The following DCC variants were observed in gnomAD, a reference collection of about 807,000 sequenced individuals.
DCC encodes DCC netrin 1 receptor.
In DCC, 58 loss-of-function variants were observed where a neutral mutation model predicts 172.5. The ratio of observed to expected loss-of-function variants is 0.34; its 90% CI spans 0.27 to 0.42. The LOEUF (loss-of-function observed/expected upper bound fraction) is 0.42, where lower values mean the gene tolerates loss of function less well. Ranked by LOEUF, DCC falls within the 10% of genes least tolerant of loss-of-function variation. The probability of loss-of-function intolerance (pLI) is 1.00; values close to 1 mark genes in which losing one functional copy is unlikely to be tolerated. For synonymous variants in DCC, 709 were observed against 644.5 expected, an observed-to-expected ratio of 1.10 and a Z score of -1.52; for missense variants, 1,740 against 1,791.0, an observed-to-expected ratio of 0.97 and a Z score of 0.51.
intron 2 of DCC, among the ~76,000 whole-genome samples, chr18:52,850,560 A>T (rs2038959089): frequency 6.6e-6 from 1 of 152,078 alleles, no homozygotes; most frequent in Admixed American, 6.5e-5. Context: ...TATGACTACA[A>T]TGTGTAATGA....
intron 9 of DCC, 129 bp from the exon 10 acceptor site, chr18:53,205,087 C>A: frequency 1.4e-6 from 1 of 714,876 alleles, no homozygotes. Context: ...ATTCTTATTC[C>A]ATATTATTCT....
intron 11 of DCC, 121 bp from the exon 12 acceptor site, chr18:53,215,427 A>G: frequency 1.2e-6 from 1 of 832,020 alleles, no homozygotes; most frequent in Non-Finnish European, 2.1e-6. Context: ...ACCTGGGTTA[A>G]CCTACCTAAT....
chr18:52,934,323 T>TG (rs2040351175), intron 5 of DCC, among the ~76,000 whole-genome samples: 1 of 152,082 alleles, frequency 6.6e-6, no homozygotes, highest in African/African-American at 2.4e-5. Context: ...CATCCCTCTG[T>TG]GGGAAAAAGA....
chr18:53,163,976 A>G (rs2054880347), intron 8 of DCC, among the ~76,000 whole-genome samples: 1 of 152,138 alleles, frequency 6.6e-6, no homozygotes, highest in African/African-American at 2.4e-5. Flanking sequence ...ATGAGACTTA[A>G]AGAAGAAGTT....
intron 2 of DCC, among the ~76,000 whole-genome samples, chr18:52,806,436 C>G (rs1182224120): frequency 6.6e-6 from 1 of 152,294 alleles, no homozygotes; most frequent in East Asian, 1.9e-4. Flanking sequence ...AGCCAGTGCT[C>G]ACCAAAATAG....
chr18:52,397,099 T>A (rs187055021), intron 1 of DCC, among the ~76,000 whole-genome samples: 1 of 152,194 alleles, frequency 6.6e-6, no homozygotes, highest in Admixed American at 6.6e-5. Flanking sequence ...CAAGGGATTA[T>A]GTATACTACA....
chr18:52,531,953 C>T (rs1392877875), intron 1 of DCC, among the ~76,000 whole-genome samples: 1 of 152,160 alleles, frequency 6.6e-6, no homozygotes, highest in African/African-American at 2.4e-5. Context: ...CTATCTTATG[C>T]AACTATTGCC....
intron 1 of DCC, among the ~76,000 whole-genome samples, chr18:52,384,174 T>G (rs919864253): frequency 1.3e-5 from 2 of 152,052 alleles, no homozygotes; most frequent in African/African-American, 4.8e-5. Flanking sequence ...AGCCCAACAC[T>G]GGGCACTCAA....
chr18:53,466,396 C>T (rs918297167), intron 24 of DCC, among the ~76,000 whole-genome samples: 16 of 152,162 alleles, frequency 1.1e-4, no homozygotes, highest in South Asian at 4.1e-4. Flanking sequence ...TTCACAAAGA[C>T]TTTGTGGCTG....
At chr18:52,458,055 T>G (rs1295877081) in intron 1 of DCC, among the ~76,000 whole-genome samples, 1 of 152,256 alleles carries the variant, frequency 6.6e-6, no homozygotes, top group East Asian at 1.9e-4. Context: ...GCCACATGGT[T>G]TCACTGACTG....
intron 1 of DCC, among the ~76,000 whole-genome samples, chr18:52,379,453 C>A (rs888738300): frequency 6.6e-6 from 1 of 152,068 alleles, no homozygotes; most frequent in Admixed American, 6.6e-5. Flanking sequence ...ACACTTTTGA[C>A]CACGTATTTA....
At chr18:53,066,353 G>GTATGTATATATATATATATA (rs1202896480) in intron 7 of DCC, among the ~76,000 whole-genome samples, 187 bp downstream of exon 7, 5 of 94,602 alleles carry the variant, frequency 5.3e-5, no homozygotes, top group Non-Finnish European at 8.9e-5. Context: ...GTACATGTGT[G>GTATGTATATATATATATATA]TATATATATA....
At chr18:52,739,185 A>C (rs949585462) in intron 1 of DCC, among the ~76,000 whole-genome samples, 4 of 152,170 alleles carry the variant, frequency 2.6e-5, no homozygotes, top group Admixed American at 6.5e-5. Context: ...TCATACATGC[A>C]GTCCGTCATT....
chr18:52,585,644 T>C (rs1301146513), intron 1 of DCC, among the ~76,000 whole-genome samples: 1 of 152,204 alleles, frequency 6.6e-6, no homozygotes, highest in Non-Finnish European at 1.5e-5. Context: ...TGGACATGTA[T>C]GTCAAAGTTG....
intron 2 of DCC, among the ~76,000 whole-genome samples, chr18:52,883,725 GAGT>G (rs35696671): frequency 0.9 from 136,298 of 151,670 alleles, 61,671 homozygotes; most frequent in Middle Eastern, 0.97. Flanking sequence ...TTCTACTTAA[GAGT>G]AGTAGTTTAT....
intron 11 of DCC, among the ~76,000 whole-genome samples, chr18:53,213,255 A>G (rs1326430893): frequency 6.6e-6 from 1 of 152,216 alleles, no homozygotes; most frequent in African/African-American, 2.4e-5. Flanking sequence ...ATGTTTGGAT[A>G]CTAATTGATC....
At chr18:53,431,677 G>A (rs781119275) in intron 21 of DCC, among the ~76,000 whole-genome samples, 12 of 152,156 alleles carry the variant, frequency 7.9e-5, no homozygotes, top group Non-Finnish European at 1.5e-4. Context: ...TAGAGACGAG[G>A]TTTTGCCATG....
chr18:53,488,346 G>A (rs10163876), intron 26 of DCC, among the ~76,000 whole-genome samples: 1 of 152,082 alleles, frequency 6.6e-6, no homozygotes, highest in South Asian at 2.1e-4. Flanking sequence ...CTGCAATCCA[G>A]CCTGGGTGAT....
At chr18:53,067,359 GA>G (rs1325029208) in intron 7 of DCC, among the ~76,000 whole-genome samples, 1 of 151,524 alleles carries the variant, frequency 6.6e-6, no homozygotes, top group Non-Finnish European at 1.5e-5. Context: ...TGTCTCTACT[GA>G]AAATAAAAAA....
Sources: allele counts gnomAD v4.1 joint callset (sites outside exome capture counted in the v4.1 genomes callset), GRCh38; gene constraint gnomAD v4.1.1; transcripts MANE v1.5; gene names NCBI Gene and HGNC (gene_info 2026-07-23, HGNC 2026-07-21).